CDK5RAP1: variants seen among roughly 807,000 people sequenced by gnomAD.
CDK5RAP1 encodes the protein CDK5RAP1 mitochondrial tRNA methylthiotransferase.
CDK5RAP1 carries 62 observed loss-of-function variants against 64.5 expected under a neutral mutation model. The ratio of observed to expected loss-of-function variants is 0.96; its 90% confidence interval spans 0.78 to 1.19. The LOEUF (loss-of-function observed/expected upper bound fraction) is 1.19. CDK5RAP1 is among the 50% of genes most tolerant of loss of function. The probability of loss-of-function intolerance (pLI) is 0.00; values close to 1 mark genes in which losing one functional copy is unlikely to be tolerated. For missense variants in CDK5RAP1, 657 were observed against 735.0 expected (o/e 0.89, Z 1.23); for synonymous variants, 250 against 261.9 (o/e 0.95, Z 0.44).
intron 4 of CDK5RAP1, among the ~76,000 whole-genome samples, chr20:33,392,454 T>TG (rs1440048018): frequency 1.3e-4 from 19 of 149,756 alleles, no homozygotes; most frequent in Non-Finnish European, 2.4e-4. Context: ...GAGATTTTTT[T>TG]GGGGGGGATT....
chr20:33,373,303 C>T (rs772539260), intron 9 of CDK5RAP1: 6 of 152,368 alleles, frequency 3.9e-5, no homozygotes, highest in Non-Finnish European at 7.3e-5. Context: ...GACTGGGTTT[C>T]GCCATGTTGC....
intron 12 of CDK5RAP1, among the ~76,000 whole-genome samples, chr20:33,365,873 A>T (rs893000277): frequency 5.9e-5 from 9 of 152,100 alleles, no homozygotes; most frequent in African/African-American, 2.2e-4. Flanking sequence ...CTTTTCTGCC[A>T]CTCTGGACAT....
chr20:33,392,000 C>A (rs1181550972), intron 5 of CDK5RAP1, 142 bp downstream of exon 5: 5 of 620,902 alleles, frequency 8.1e-6, no homozygotes, highest in Non-Finnish European at 1.4e-5. Flanking sequence ...CCTGTCACCT[C>A]TGGCAGTAAG....
At chr20:33,367,121 G>A in intron 11 of CDK5RAP1, 113 bp from the exon 12 acceptor site, 4 of 1,037,192 alleles carry the variant, frequency 3.9e-6, no homozygotes, top group South Asian at 3.8e-5. Context: ...ACAGACACAT[G>A]TACAGAAACC....
chr20:33,378,649 T>C (rs1322548791), intron 8 of CDK5RAP1, among the ~76,000 whole-genome samples: 2 of 152,170 alleles, frequency 1.3e-5, no homozygotes, highest in African/African-American at 4.8e-5. Flanking sequence ...CAGGAGGTAA[T>C]TGTTAACCCC....
intron 9 of CDK5RAP1, chr20:33,373,596 C>T (rs1985475893): frequency 6.5e-6 from 1 of 153,174 alleles, no homozygotes; most frequent in African/African-American, 2.4e-5. Flanking sequence ...GGGACAGATT[C>T]TCCCTTCAGT....
intron 11 of CDK5RAP1, among the ~76,000 whole-genome samples, chr20:33,368,802 T>G (rs1020591099): frequency 1.3e-5 from 2 of 149,838 alleles, no homozygotes; most frequent in African/African-American, 2.5e-5. Context: ...ACCCGGAAGG[T>G]GGAGGTTGTG....
chr20:33,389,621 A>G (rs1310743485), intron 5 of CDK5RAP1, among the ~76,000 whole-genome samples: 2 of 144,976 alleles, frequency 1.4e-5, no homozygotes, highest in African/African-American at 2.6e-5. Context: ...CGCCCCGTCC[A>G]GGAGGTGGGG....
intron 12 of CDK5RAP1, among the ~76,000 whole-genome samples, chr20:33,365,133 C>T (rs1412630200): frequency 6.6e-6 from 1 of 151,940 alleles, no homozygotes. Context: ...TGGGCTCACG[C>T]AATCCTCCAG....
At chr20:33,367,876 T>C (rs1568683853) in intron 11 of CDK5RAP1, among the ~76,000 whole-genome samples, 1 of 152,140 alleles carries the variant, frequency 6.6e-6, no homozygotes, top group Non-Finnish European at 1.5e-5. Flanking sequence ...TATACCAAAG[T>C]TTGGACATTC....
In CDK5RAP1 at chr20:33,366,878, TGGGTACAGCCCACA is replaced by T. The variant is rs1984066588; in HGVS notation, c.1509_1522del (p.Cys506AlafsTer7). 1 of 1,613,662 alleles carries T rather than the reference TGGGTACAGCCCACA, an allele frequency of 6.2e-7. No individual in the cohort carries two copies. Among genetic ancestry groups the T allele is most frequent in the Admixed American group, 1.7e-5 (1 of 59,880 alleles). ...CCTCACCCCTTCCACTAGCACCAAC[TGGGTACAGCCCACA>T]GAGGTCTGATTGGCTTTTGTTGCTT... On this transcript the variant is annotated frameshift_variant, in exon 12 of 14. Coordinates refer to ENST00000346416, the MANE Select transcript of CDK5RAP1 (RefSeq NM_016408.4). LOFTEE classifies it high-confidence loss of function.
intron 5 of CDK5RAP1, among the ~76,000 whole-genome samples, chr20:33,389,634 C>CA (rs1988053923): frequency 6.6e-6 from 1 of 151,374 alleles, no homozygotes; most frequent in African/African-American, 2.4e-5. Context: ...AGGTGGGGGG[C>CA]GCCTCTGCCC....
intron 11 of CDK5RAP1, among the ~76,000 whole-genome samples, chr20:33,369,095 A>G (rs1377506596): frequency 6.6e-6 from 1 of 151,134 alleles, no homozygotes; most frequent in African/African-American, 2.4e-5. Context: ...AGCCAAGATC[A>G]TGCCACTGCC....
Position 33,379,469 on chromosome 20 carries a change from GA to G in CDK5RAP1, c.1098del (p.Pro367LeufsTer7). The part of the protein sequence containing the change: ...IRFTSPHPKD[F>X]PDEVLQLIHE... The stretch of plus-strand genomic sequence containing the variant: ...GCTAACCTGACGCTCACCTCATCAG[GA>G]AAATCCTTGGGGTGGGGAGAGGTAA... On this transcript the variant is annotated frameshift_variant, in exon 8 of 14. Transcript: ENST00000346416. LOFTEE classifies it high-confidence loss of function. 1.2e-6 allele frequency: 2 copies of G among 1,610,648 alleles called. No homozygotes were observed. The highest frequency in any genetic ancestry group is 1.7e-6 in the Non-Finnish European group (2 of 1,176,966).
intron 12 of CDK5RAP1, among the ~76,000 whole-genome samples, chr20:33,361,955 C>CAAAAAA (rs11481557): frequency 1.1e-5 from 1 of 87,900 alleles, no homozygotes; most frequent in Non-Finnish European, 2.1e-5. Flanking sequence ...GCCTCAGTCT[C>CAAAAAA]AAAAAAAAAA....
chr20:33,376,987 G>A (rs770716817), intron 8 of CDK5RAP1, among the ~76,000 whole-genome samples: 7 of 152,276 alleles, frequency 4.6e-5, no homozygotes, highest in Middle Eastern at 3.4e-3. Context: ...AGGATTTTCA[G>A]AATGGCAAAT....
At chr20:33,382,616 G>T (rs1030297620) in intron 7 of CDK5RAP1, among the ~76,000 whole-genome samples, 1 of 152,202 alleles carries the variant, frequency 6.6e-6, no homozygotes, top group Non-Finnish European at 1.5e-5. Flanking sequence ...AGGAGGTGGA[G>T]GTTGCAGTGA....
intron 12 of CDK5RAP1, among the ~76,000 whole-genome samples, chr20:33,361,955 C>CAA (rs11481557): frequency 0.016 from 1,362 of 87,566 alleles, 36 homozygotes; most frequent in African/African-American, 0.035. Flanking sequence ...GCCTCAGTCT[C>CAA]AAAAAAAAAA....
chr20:33,363,813 G>T lies in CDK5RAP1; in HGVS notation c.1542+3046C>A, dbSNP rs141249248. On this transcript the variant is annotated intron_variant, in intron 12 of 13. Coordinates refer to ENST00000346416, the MANE Select transcript of CDK5RAP1 (RefSeq NM_016408.4). Reference sequence around the variant, plus strand: ...CTCCGGAGGCTGAAGCAGGAGGGTCGCGTGAGCCCAAGGAGTTCAAGGTTA... The same window carrying T: ...CTCCGGAGGCTGAAGCAGGAGGGTCTCGTGAGCCCAAGGAGTTCAAGGTTA... Among the ~76,000 whole-genome samples the T allele has an allele frequency of 4.6e-5, 7 of 152,224 alleles. No individual in the cohort carries two copies. In the East Asian group the frequency reaches 1.3e-3, roughly 29 times the overall value.
Sources: gnomAD v4.1 joint callset for allele counts (sites outside exome capture counted in the v4.1 genomes callset) on GRCh38, gnomAD v4.1.1 for gene constraint, MANE v1.5 for transcripts, NCBI Gene and HGNC (gene_info 2026-07-23, HGNC 2026-07-21) for gene names.